The following ERMP1 variants were observed in gnomAD, a reference collection of about 807,000 sequenced individuals.
ERMP1 encodes Felix-ina.
In ERMP1, 86 loss-of-function variants were observed where a neutral mutation model predicts 92.0. The observed-to-expected ratio is 0.93, with a 90% CI of 0.79 to 1.12. The LOEUF (loss-of-function observed/expected upper bound fraction) is 1.12, where lower values mean the gene tolerates loss of function less well. ERMP1 is among the 50% of genes most tolerant of loss of function. The probability of loss-of-function intolerance (pLI) is 0.00; values close to 1 mark genes in which losing one functional copy is unlikely to be tolerated. For synonymous variants in ERMP1, 530 were observed against 412.8 expected, an observed-to-expected ratio of 1.28 and a Z score of -3.44; for missense variants, 1,342 against 1,116.3, an observed-to-expected ratio of 1.20 and a Z score of -2.88.
chr9:5,791,432 G>A (rs72693771), intron 13 of ERMP1: 10 of 400,354 alleles, frequency 2.5e-5, no homozygotes, highest in South Asian at 7.3e-5. Context: ...TGCTTTACTC[G>A]AAGTCCAGTG....
chr9:5,854,362 C>A (rs1830346103), intron 6 of ERMP1, among the ~76,000 whole-genome samples: 1 of 152,176 alleles, frequency 6.6e-6, no homozygotes, highest in Admixed American at 6.5e-5. Context: ...GCTAGTGCAA[C>A]CTTTTGCTCC....
Position 5,830,904 on chromosome 9 carries a change from G to A in ERMP1, c.463C>T (p.His155Tyr), listed in dbSNP as rs191439805. The change falls in exon 2 of 15, where the codon CAT becomes TAT. Residue 155 changes from histidine to tyrosine, a missense_variant. By Grantham distance (83) the His-to-Tyr change is moderately conservative. Coordinates refer to ENST00000339450, the MANE Select transcript of ERMP1 (RefSeq NM_024896.3). ...KLIEVQSNSL[H>Y]KISVDVQRPT... is the part of the protein sequence containing the mutation. Reference sequence around the variant, plus strand: ...CGTTGTACATCTACTGAAATCTTATGAAGGCTGTTGCTTTGCACTTCAATC... The same window carrying A: ...CGTTGTACATCTACTGAAATCTTATAAAGGCTGTTGCTTTGCACTTCAATC... 2.5e-5 allele frequency: 40 copies of A among 1,614,154 alleles called. No individual in the cohort carries two copies. Among genetic ancestry groups the A allele is most frequent in the Admixed American group, 3.3e-5 (2 of 60,032 alleles).
Position 5,833,063 on chromosome 9 carries a change from A to C in ERMP1, c.-36T>G, listed in dbSNP as rs1028239389. 5 of 1,412,680 alleles carry C rather than the reference A, an allele frequency of 3.5e-6. No homozygotes were observed. Among genetic ancestry groups the C allele is most frequent in the South Asian group, 1.6e-5 (1 of 63,706 alleles). The allele number at this position is 1,412,680 out of a possible 1,614,324, so 87.5% of individuals were successfully genotyped here. A position where few individuals can be genotyped will look rare whatever the true frequency, so the allele number is the denominator to read the frequency against. On this transcript the variant is annotated 5_prime_UTR_variant, in exon 1 of 15. Coordinates refer to ENST00000339450, the MANE Select transcript of ERMP1 (RefSeq NM_024896.3). ...CTCAGCTGCCAGCCCAACCGCCCCA[A>C]CCCGCGACAGCCCCGGCCGCCGCCG...
intron 6 of ERMP1, among the ~76,000 whole-genome samples, chr9:5,848,662 T>G (rs889558097): frequency 1.3e-5 from 2 of 151,282 alleles, no homozygotes; most frequent in African/African-American, 4.9e-5. Context: ...GCTTGAATGC[T>G]TACCACTGAG....
At chr9:5,795,449 ACTGT>A (rs1180669843) in intron 13 of ERMP1, among the ~76,000 whole-genome samples, 3 of 152,172 alleles carry the variant, frequency 2.0e-5, no homozygotes, top group Non-Finnish European at 4.4e-5. Flanking sequence ...AGGAAATAAA[ACTGT>A]CTGCAGATGA....
rs370994028 is a variant in ERMP1 at position 5,789,433 on chromosome 9, G to A, written c.2387-1840C>T. Among the ~76,000 whole-genome samples, 24 of 152,300 alleles carry A rather than the reference G, an allele frequency of 1.6e-4. 1 individual carries two copies. The East Asian group carries it at 2.7e-3, about 17-fold the overall frequency. ...CCACCAACTTGTCCTTCAACTATCA[G>A]GATTACAGAAAACCAATTTTAACCA... On this transcript the variant is annotated intron_variant, in intron 13 of 14. Coordinates refer to ENST00000339450, the MANE Select transcript of ERMP1 (RefSeq NM_024896.3).
At chr9:5,860,855 A>G (rs543146958) in intron 5 of ERMP1, among the ~76,000 whole-genome samples, 1 of 151,962 alleles carries the variant, frequency 6.6e-6, no homozygotes, top group Admixed American at 6.6e-5. Flanking sequence ...AATCATGATA[A>G]TGGATTACTA....
At chr9:5,802,833 A>C (rs1828722512) in intron 10 of ERMP1, among the ~76,000 whole-genome samples, 1 of 152,210 alleles carries the variant, frequency 6.6e-6, no homozygotes, top group African/African-American at 2.4e-5. Flanking sequence ...TTATCAGCAC[A>C]CAATGGACAT....
intron 6 of ERMP1, among the ~76,000 whole-genome samples, chr9:5,843,660 CTTTG>C (rs1830196438): frequency 1.3e-5 from 2 of 152,174 alleles, no homozygotes; most frequent in South Asian, 2.1e-4. Context: ...CTAGCCACTG[CTTTG>C]TTTATTTTGC....
intron 6 of ERMP1, among the ~76,000 whole-genome samples, chr9:5,857,456 G>A (rs994915755): frequency 6.6e-6 from 1 of 152,202 alleles, no homozygotes; most frequent in African/African-American, 2.4e-5. Flanking sequence ...CCACAAAAGT[G>A]CCATGAAAAT....
At chr9:5,847,848 T>A (rs1055371387) in intron 6 of ERMP1, among the ~76,000 whole-genome samples, 1 of 149,670 alleles carries the variant, frequency 6.7e-6, no homozygotes, top group Admixed American at 6.7e-5. Flanking sequence ...TGAGTCGAGA[T>A]GGCACCGCTG....
chr9:5,816,869 C>CCTTA (rs1400178536), intron 4 of ERMP1, among the ~76,000 whole-genome samples: 1 of 151,590 alleles, frequency 6.6e-6, no homozygotes, highest in Non-Finnish European at 1.5e-5. Context: ...TGAGGTTTGA[C>CCTTA]CTTAGATCAT....
chr9:5,792,264 T>C (rs944596660), intron 13 of ERMP1, among the ~76,000 whole-genome samples: 20 of 152,152 alleles, frequency 1.3e-4, no homozygotes, highest in African/African-American at 3.1e-4. Context: ...AGTTTTTTAA[T>C]AGGGAAGTAG....
chr9:5,841,336 A>C (rs1043623004), intron 6 of ERMP1, among the ~76,000 whole-genome samples: 2 of 152,254 alleles, frequency 1.3e-5, no homozygotes, highest in Non-Finnish European at 2.9e-5. Context: ...GCTAAGTGGA[A>C]GACACCAGAC....
rs566602487 is a variant in ERMP1 at position 5,818,081 on chromosome 9, G to A, written c.875-5046C>T. Among the ~76,000 whole-genome samples, 4 of 151,754 alleles carry A rather than the reference G, an allele frequency of 2.6e-5. No individual in the cohort carries two copies. The East Asian group carries it at 7.8e-4, about 29-fold the overall frequency. On this transcript the variant is annotated intron_variant, in intron 4 of 14. Coordinates refer to ENST00000339450, the MANE Select transcript of ERMP1 (RefSeq NM_024896.3). ...CTCGGTATATCAAGGTGGATCACTT[G>A]AGCCCAGGAGCTGGAGAACTGTGAG...
intron 4 of ERMP1, among the ~76,000 whole-genome samples, chr9:5,819,334 G>C (rs548245818): frequency 6.6e-6 from 1 of 152,008 alleles, no homozygotes; most frequent in Non-Finnish European, 1.5e-5. Flanking sequence ...CTCCGATAAC[G>C]GAGCCAGGGA....
intron 6 of ERMP1, among the ~76,000 whole-genome samples, chr9:5,853,579 G>A (rs1830335606): frequency 6.6e-6 from 1 of 151,950 alleles, no homozygotes; most frequent in South Asian, 2.1e-4. Context: ...GTTTGGCCTG[G>A]AGAAACAAGG....
intron 6 of ERMP1, among the ~76,000 whole-genome samples, chr9:5,846,140 A>G (rs1384872312): frequency 2.0e-5 from 3 of 152,174 alleles, no homozygotes; most frequent in Admixed American, 6.5e-5. Flanking sequence ...ACACTTTGTG[A>G]AGCAAGATGG....
upstream of ERMP1, among the ~76,000 whole-genome samples, chr9:5,836,408 A>T (rs1181242433): frequency 1.3e-5 from 2 of 152,216 alleles, no homozygotes; most frequent in African/African-American, 4.8e-5. Flanking sequence ...CCAAGAGATG[A>T]GAAGTGAGCC....
Sources: allele counts gnomAD v4.1 joint callset (sites outside exome capture counted in the v4.1 genomes callset), GRCh38; gene constraint gnomAD v4.1.1; transcripts MANE v1.5; gene names NCBI Gene and HGNC (gene_info 2026-07-23, HGNC 2026-07-21).